Variants in PROS1 observed in about 807,000 individuals in gnomAD.
The protein encoded by PROS1 is vitamin K-dependent protein S.
A neutral mutation model predicts 75.9 loss-of-function variants in PROS1; 29 were observed. The ratio of observed to expected loss-of-function variants is 0.38; its 90% CI spans 0.28 to 0.52. PROS1 has a LOEUF of 0.52. PROS1 is among the 20% of genes least tolerant of loss of function. PROS1 has a pLI of 0.83. For synonymous variants in PROS1, 245 were observed against 280.6 expected (o/e 0.87, Z 1.27); for missense variants, 680 against 810.3 (o/e 0.84, Z 1.95).
chr3:93,953,847 T>C (rs563371578), intron 1 of PROS1, among the ~76,000 whole-genome samples: 1 of 152,206 alleles, frequency 6.6e-6, no homozygotes, highest in African/African-American at 2.4e-5. Flanking sequence ...CAGCCCAAAA[T>C]CTCCTTAAGC....
At chr3:93,908,344 T>A (rs1015581966) in intron 4 of PROS1, among the ~76,000 whole-genome samples, 1 of 152,196 alleles carries the variant, frequency 6.6e-6, no homozygotes, top group Non-Finnish European at 1.5e-5. Context: ...ACCACATTAC[T>A]GCCTGGAGAT....
At chr3:93,897,342 A>T (rs1395482776) in intron 8 of PROS1, among the ~76,000 whole-genome samples, 1 of 149,980 alleles carries the variant, frequency 6.7e-6, no homozygotes, top group African/African-American at 2.5e-5. Context: ...AGCTTTTAAC[A>T]TACAAATTAT....
At chr3:93,973,586 G>T in intron 1 of PROS1, 88 bp downstream of exon 1, 1 of 1,395,814 alleles carries the variant, frequency 7.2e-7, no homozygotes, top group Non-Finnish European at 1.0e-6. Context: ...GGAGGCTGCA[G>T]CTCTAGAGAA....
intron 9 of PROS1, among the ~76,000 whole-genome samples, chr3:93,895,841 T>C (rs1280251835): frequency 6.6e-6 from 1 of 152,154 alleles, no homozygotes; most frequent in African/African-American, 2.4e-5. Flanking sequence ...AGCTCACACC[T>C]GTAGTCCTAG....
chr3:93,933,838 G>A (rs181706555), intron 1 of PROS1, among the ~76,000 whole-genome samples: 8 of 151,470 alleles, frequency 5.3e-5, no homozygotes, highest in South Asian at 2.1e-4. Context: ...GTGAAACCCC[G>A]TCTCTACTAA....
chr3:93,944,917 T>C (rs1179632540), intron 1 of PROS1, among the ~76,000 whole-genome samples: 1 of 151,304 alleles, frequency 6.6e-6, no homozygotes, highest in Non-Finnish European at 1.5e-5. Flanking sequence ...ATAAAGAAGA[T>C]TGCAAGACTA....
intron 1 of PROS1, among the ~76,000 whole-genome samples, chr3:93,949,844 T>C (rs1709464251): frequency 6.6e-6 from 1 of 152,250 alleles, no homozygotes; most frequent in South Asian, 2.1e-4. Flanking sequence ...TGTTGGACAG[T>C]GGGTGCAGCC....
intron 1 of PROS1, among the ~76,000 whole-genome samples, chr3:93,962,458 TAC>T (rs1709721118): frequency 6.6e-6 from 1 of 152,158 alleles, no homozygotes; most frequent in Non-Finnish European, 1.5e-5. Flanking sequence ...ATCCTTCTGT[TAC>T]AGTTTCATAC....
intron 1 of PROS1, among the ~76,000 whole-genome samples, chr3:93,971,946 G>T (rs1226803996): frequency 6.6e-6 from 1 of 152,106 alleles, no homozygotes; most frequent in Non-Finnish European, 1.5e-5. Context: ...AAAGCATTAT[G>T]GGGCCAACTA....
chr3:93,888,047 T>A (rs567498529), intron 10 of PROS1, among the ~76,000 whole-genome samples: 2 of 152,224 alleles, frequency 1.3e-5, no homozygotes, highest in Non-Finnish European at 2.9e-5. Context: ...TAGGTATTCA[T>A]GTAGGGAATA....
chr3:93,889,242 G>T (rs1454539986), intron 10 of PROS1, among the ~76,000 whole-genome samples: 2 of 151,754 alleles, frequency 1.3e-5, no homozygotes, highest in Non-Finnish European at 2.9e-5. Flanking sequence ...TAACTATCTG[G>T]CATATTTATT....
At chr3:93,925,658 G>T (rs550576256) in intron 2 of PROS1, among the ~76,000 whole-genome samples, 1 of 151,408 alleles carries the variant, frequency 6.6e-6, no homozygotes, top group African/African-American at 2.4e-5. Flanking sequence ...ACGCCCTCTC[G>T]ACAAAAAATA....
At chr3:93,935,349 G>C (rs1167441258) in intron 1 of PROS1, among the ~76,000 whole-genome samples, 1 of 152,010 alleles carries the variant, frequency 6.6e-6, no homozygotes, top group Non-Finnish European at 1.5e-5. Flanking sequence ...TACCCACTAG[G>C]ACCCCAAAAC....
chr3:93,937,382 T>C (rs1484010438), intron 1 of PROS1, among the ~76,000 whole-genome samples: 1 of 151,608 alleles, frequency 6.6e-6, no homozygotes, highest in Non-Finnish European at 1.5e-5. Flanking sequence ...TTTTTTTTTT[T>C]TTTGAGATGG....
chr3:93,961,988 G>C (rs1709712433), intron 1 of PROS1, among the ~76,000 whole-genome samples: 1 of 152,050 alleles, frequency 6.6e-6, no homozygotes. Context: ...CAATATAGAA[G>C]AGAAGACTAC....
In PROS1 at chr3:93,954,007, A is replaced by C. The variant is rs576006983; in HGVS notation, c.76+19667T>G. ...AAGAGAATAAAATACCTGGGAATCC[A>C]ACTTACAAGGGATGTGAAGGAGCTC... On this transcript the variant is annotated intron_variant, in intron 1 of 14. Transcript: ENST00000394236. Among the ~76,000 whole-genome samples, 226 of 152,354 alleles carry C rather than the reference A, an allele frequency of 1.5e-3. 1 individual carries two copies. Among genetic ancestry groups the C allele is most frequent in the Non-Finnish European group, 2.3e-3 (157 of 68,028 alleles).
chr3:93,954,579 G>A (rs1709566722), intron 1 of PROS1, among the ~76,000 whole-genome samples: 1 of 152,140 alleles, frequency 6.6e-6, no homozygotes, highest in African/African-American at 2.4e-5. Flanking sequence ...ATTAATTCAA[G>A]GTGGATTAAA....
chr3:93,944,958 G>A (rs1333117972), intron 1 of PROS1, among the ~76,000 whole-genome samples: 2 of 151,820 alleles, frequency 1.3e-5, no homozygotes, highest in African/African-American at 2.4e-5. Context: ...GAATCAAATA[G>A]ACGCAATAAA....
intron 10 of PROS1, among the ~76,000 whole-genome samples, chr3:93,892,712 C>G (rs896115960): frequency 6.6e-6 from 1 of 151,702 alleles, no homozygotes; most frequent in Non-Finnish European, 1.5e-5. Flanking sequence ...AAGTTAAAGA[C>G]AGAGTAGTTC....
Sources: allele counts gnomAD v4.1 joint callset (sites outside exome capture counted in the v4.1 genomes callset), GRCh38; gene constraint gnomAD v4.1.1; transcripts MANE v1.5; gene names NCBI Gene and HGNC (gene_info 2026-07-23, HGNC 2026-07-21).